The following MIB1 variants were observed in gnomAD, a reference collection of about 807,000 sequenced individuals.
MIB1 encodes the protein E3 ubiquitin-protein ligase MIB1.
In MIB1, 278 loss-of-function variants were observed where a neutral mutation model predicts 124.5. The observed-to-expected ratio is 2.23, with a 90% CI of 2.02 to 2.47. The LOEUF (loss-of-function observed/expected upper bound fraction) is 2.47, where lower values mean the gene tolerates loss of function less well. Among genes scored for constraint, MIB1 ranks in the 30% most tolerant of loss-of-function variants. The pLI, the probability that MIB1 is intolerant of heterozygous loss-of-function variation, is 0.00. For missense variants in MIB1, 957 were observed against 1,254.4 expected, an observed-to-expected ratio of 0.76 and a Z score of 3.58; for synonymous variants, 446 against 429.4, an observed-to-expected ratio of 1.04 and a Z score of -0.48.
rs548395968 is a variant in MIB1 at position 21,790,639 on chromosome 18, A to T, written c.909-735A>T. On this transcript the variant is annotated intron_variant, in intron 6 of 20. Coordinates refer to ENST00000261537, the MANE Select transcript of MIB1 (RefSeq NM_020774.4). ...CTAGATTATGAATGTCATTCAGTGT[A>T]TTGATAGAATGTCTGTAAGGACACA... Among the ~76,000 whole-genome samples the T allele has an allele frequency of 2.6e-5, 4 of 152,334 alleles. No homozygotes were observed. The East Asian group carries it at 7.7e-4, about 29-fold the overall frequency.
intron 10 of MIB1, among the ~76,000 whole-genome samples, chr18:21,811,496 C>T (rs2041773031): frequency 6.6e-6 from 1 of 151,986 alleles, no homozygotes; most frequent in South Asian, 2.1e-4. Flanking sequence ...AATGGATGAG[C>T]AAAATGTGGT....
intron 18 of MIB1, among the ~76,000 whole-genome samples, chr18:21,853,538 T>C (rs926975800): frequency 6.6e-5 from 10 of 152,202 alleles, no homozygotes; most frequent in Non-Finnish European, 1.2e-4. Context: ...TAGTCTCGCC[T>C]TTGTTCACAT....
intron 1 of MIB1, among the ~76,000 whole-genome samples, chr18:21,725,545 C>T (rs78888000): frequency 6.6e-6 from 1 of 152,182 alleles, no homozygotes; most frequent in South Asian, 2.1e-4. Context: ...CAGGGTTTGA[C>T]AGCCAAGTCG....
intron 20 of MIB1, among the ~76,000 whole-genome samples, chr18:21,862,797 A>G (rs188182480): frequency 6.6e-6 from 1 of 152,272 alleles, no homozygotes; most frequent in Admixed American, 6.5e-5. Context: ...ATCTAAGCAT[A>G]GTGCCTGACA....
intron 1 of MIB1, among the ~76,000 whole-genome samples, chr18:21,722,798 T>C (rs1207235550): frequency 2.0e-5 from 3 of 152,186 alleles, no homozygotes; most frequent in Admixed American, 2.0e-4. Flanking sequence ...TTGGAAAGGA[T>C]ACCTCAAAGG....
intron 12 of MIB1, among the ~76,000 whole-genome samples, chr18:21,820,792 A>T (rs564709145): frequency 2.3e-4 from 35 of 152,346 alleles, no homozygotes; most frequent in Admixed American, 5.9e-4. Context: ...ACACGTGAAG[A>T]ATATGAGGCT....
intron 1 of MIB1, among the ~76,000 whole-genome samples, chr18:21,750,014 CT>C (rs1056767576): frequency 1.3e-5 from 2 of 152,020 alleles, no homozygotes; most frequent in Admixed American, 6.6e-5. Flanking sequence ...ATTTTATCAC[CT>C]TTTTTTCTGC....
chr18:21,783,526 A>T (rs966966441), intron 6 of MIB1, among the ~76,000 whole-genome samples: 1 of 152,064 alleles, frequency 6.6e-6, no homozygotes, highest in Non-Finnish European at 1.5e-5. Flanking sequence ...TACAGGTGTG[A>T]GCCGCTGTGC....
At chr18:21,860,668 C>G (rs990149087) in intron 20 of MIB1, among the ~76,000 whole-genome samples, 1 of 152,100 alleles carries the variant, frequency 6.6e-6, no homozygotes, top group Non-Finnish European at 1.5e-5. Flanking sequence ...TGTTTTCTAT[C>G]TGAATTTATA....
intron 12 of MIB1, among the ~76,000 whole-genome samples, chr18:21,824,577 A>G (rs1195727067): frequency 6.6e-6 from 1 of 152,104 alleles, no homozygotes; most frequent in Admixed American, 6.5e-5. Context: ...TATTCCTTGT[A>G]ATACACAAAT....
At chr18:21,791,973 A>G (rs2041509986) in intron 7 of MIB1, among the ~76,000 whole-genome samples, 1 of 152,194 alleles carries the variant, frequency 6.6e-6, no homozygotes, top group African/African-American at 2.4e-5. Flanking sequence ...GCTTTCATAG[A>G]GTGAATTTGT....
At position 21,847,062 on chromosome 18, in the gene MIB1, T is replaced by C. The variant is rs1428006322; in HGVS notation, c.2330T>C (p.Leu777Pro). ...SIRNKKGQSP[L>P]DLCPDPNLCK... ...CGAAATAAGAAGGGTCAATCGCCAC[T>C]TGATCTCTGTCCTGATCCGAATCTC... The change falls in exon 16 of 21, where the codon CTT becomes CCT. Residue 777 changes from leucine (L) to proline (P), a missense_variant. Physicochemically the swap from Leu to Pro is moderately conservative, Grantham distance 98. Coordinates refer to ENST00000261537, the MANE Select transcript of MIB1 (RefSeq NM_020774.4). 1 of 1,614,196 alleles carries C rather than the reference T, an allele frequency of 6.2e-7. No individual in the cohort carries two copies. The highest frequency in any genetic ancestry group is 1.1e-5 in the South Asian group (1 of 91,088).
chr18:21,775,038 C>A (rs140932155), intron 4 of MIB1, among the ~76,000 whole-genome samples: 2,848 of 151,940 alleles, frequency 0.019, 91 homozygotes, highest in African/African-American at 0.065. Context: ...CTCCACCTCC[C>A]GGGTTCATGC....
chr18:21,853,868 T>C (rs1568228103), intron 18 of MIB1, among the ~76,000 whole-genome samples: 1 of 151,984 alleles, frequency 6.6e-6, no homozygotes. Flanking sequence ...TTTTATTTTA[T>C]TTTATTTTTT....
chr18:21,811,771 C>G (rs1044924518), intron 10 of MIB1, among the ~76,000 whole-genome samples: 3 of 151,824 alleles, frequency 2.0e-5, no homozygotes, highest in Admixed American at 1.3e-4. Flanking sequence ...TTCACTTTTG[C>G]AAGATGAAAA....
intron 11 of MIB1, among the ~76,000 whole-genome samples, chr18:21,818,718 C>T (rs573390329): frequency 6.6e-6 from 1 of 152,180 alleles, no homozygotes; most frequent in African/African-American, 2.4e-5. Flanking sequence ...GGGCAGATCA[C>T]GAGGTCAGGA....
Position 21,799,968 on chromosome 18 carries a change from T to G in MIB1, c.1365T>G (p.Asp455Glu), listed in dbSNP as rs1444542350. 6.2e-7 allele frequency: 1 copy of G among 1,610,486 alleles called. No individual in the cohort carries two copies. The highest frequency in any genetic ancestry group is 2.2e-5 in the East Asian group (1 of 44,760). ...TGGAAGATTTGCTTAAAAGACCAGA[T>G]GTGGATGTGAGCATTTTAAAAATTA... ...AKVEDLLKRPDVDVNGQCAGH... is the reference protein window; with the variant it reads ...AKVEDLLKRPEVDVNGQCAGH... The change falls in exon 9 of 21, where the codon GAT (aspartate) becomes GAG (glutamate). Residue 455 changes from aspartate to glutamate, a missense_variant. Coordinates refer to ENST00000261537, the MANE Select transcript of MIB1 (RefSeq NM_020774.4).
At chr18:21,862,749 T>G (rs1405618211) in intron 20 of MIB1, among the ~76,000 whole-genome samples, 1 of 152,172 alleles carries the variant, frequency 6.6e-6, no homozygotes, top group Non-Finnish European at 1.5e-5. Flanking sequence ...TTCCTCATTT[T>G]CCAAGTGGGA....
At chr18:21,859,130 C>A (rs1437669924) in intron 20 of MIB1, among the ~76,000 whole-genome samples, 1 of 152,158 alleles carries the variant, frequency 6.6e-6, no homozygotes, top group African/African-American at 2.4e-5. Context: ...TGAAGGTAGT[C>A]CAGGCGCAGT....
Sources: gnomAD v4.1 joint callset for allele counts (sites outside exome capture counted in the v4.1 genomes callset) on GRCh38, gnomAD v4.1.1 for gene constraint, MANE v1.5 for transcripts, NCBI Gene and HGNC (gene_info 2026-07-23, HGNC 2026-07-21) for gene names.